SCAI: variants seen among roughly 807,000 people sequenced by gnomAD.
The protein encoded by SCAI is suppressor of cancer cell invasion, also known as protein SCAI.
Under a neutral mutation model 92.2 loss-of-function variants are expected in SCAI, and 24 were observed. The ratio of observed to expected loss-of-function variants is 0.26; its 90% CI spans 0.19 to 0.37. The LOEUF is 0.37. Ranked by LOEUF, SCAI falls within the 10% of genes least tolerant of loss-of-function variation. The pLI is 1.00. For synonymous variants in SCAI, 261 were observed against 258.6 expected, an observed-to-expected ratio of 1.01 and a Z score of -0.09; for missense variants, 450 against 736.2, an observed-to-expected ratio of 0.61 and a Z score of 4.50.
In SCAI at chr9:125,004,850, G is replaced by A. The variant is rs553962934; in HGVS notation, c.862-1280C>T. The stretch of plus-strand genomic sequence containing the variant: ...GTCACCCAGGCTGGAGTGCAATGGC[G>A]CGCTCTCGGCTCACTGCAACCTCCT... On this transcript the variant is annotated intron_variant, in intron 9 of 17. Coordinates refer to ENST00000336505, the MANE Select transcript of SCAI (RefSeq NM_001144877.3). Among the ~76,000 whole-genome samples, 65 of 124,854 alleles carry A rather than the reference G, an allele frequency of 5.2e-4. 1 individual carries two copies. The highest frequency in any genetic ancestry group is 1.8e-3 in the African/African-American group (58 of 32,886). The allele number at this position is 124,854 out of a possible 152,430, so 81.9% of individuals were successfully genotyped here. A position where few individuals can be genotyped will look rare whatever the true frequency, so the allele number is the denominator to read the frequency against.
chr9:125,140,978 A>G (rs1443750097), intron 2 of SCAI, among the ~76,000 whole-genome samples: 1 of 152,200 alleles, frequency 6.6e-6, no homozygotes, highest in East Asian at 1.9e-4. Context: ...GAAATCTAGC[A>G]TGTATTTTAT....
At chr9:125,016,982 GAGAC>G (rs1832772522) in intron 9 of SCAI, among the ~76,000 whole-genome samples, 1 of 152,152 alleles carries the variant, frequency 6.6e-6, no homozygotes, top group Non-Finnish European at 1.5e-5. Context: ...AGGAGAAAAA[GAGAC>G]AGAAGATATC....
At chr9:125,109,192 T>C (rs1477099196) in intron 2 of SCAI, among the ~76,000 whole-genome samples, 1 of 152,036 alleles carries the variant, frequency 6.6e-6, no homozygotes, top group African/African-American at 2.4e-5. Context: ...CACTCCCTAA[T>C]CTCAAGTACC....
At chr9:125,086,395 C>T (rs1232311239) in intron 2 of SCAI, among the ~76,000 whole-genome samples, 1 of 152,150 alleles carries the variant, frequency 6.6e-6, no homozygotes, top group African/African-American at 2.4e-5. Flanking sequence ...GGAAAAGTGA[C>T]TGAGGCAGGG....
At chr9:125,002,488 G>GTTT (rs58586769) in intron 11 of SCAI, among the ~76,000 whole-genome samples, 2 of 125,106 alleles carry the variant, frequency 1.6e-5, no homozygotes, top group Admixed American at 8.8e-5. Flanking sequence ...TTTTTAGTCT[G>GTTT]TTTTTTTTTT....
At chr9:125,105,207 C>T (rs779929243) in intron 2 of SCAI, among the ~76,000 whole-genome samples, 1 of 152,048 alleles carries the variant, frequency 6.6e-6, no homozygotes, top group East Asian at 1.9e-4. Context: ...TGGTGACATG[C>T]CCCTGTAGTC....
intron 2 of SCAI, among the ~76,000 whole-genome samples, chr9:125,133,556 A>G (rs1036319646): frequency 5.3e-5 from 8 of 152,222 alleles, no homozygotes; most frequent in Non-Finnish European, 1.0e-4. Flanking sequence ...GATACTCAAC[A>G]TTATCAGTCA....
At chr9:124,991,755 T>C (rs1486904488) in intron 14 of SCAI, among the ~76,000 whole-genome samples, 1 of 152,078 alleles carries the variant, frequency 6.6e-6, no homozygotes, top group African/African-American at 2.4e-5. Context: ...GAGAATCGCT[T>C]GAACCCAGGA....
intron 2 of SCAI, among the ~76,000 whole-genome samples, chr9:125,063,033 A>AT (rs1833802892): frequency 6.6e-6 from 1 of 151,518 alleles, no homozygotes; most frequent in South Asian, 2.1e-4. Context: ...AAAAAAAAAA[A>AT]AAAAATGTAA....
chr9:125,045,810 A>ACTAATGAC (rs149637489), intron 3 of SCAI, among the ~76,000 whole-genome samples: 33,900 of 151,878 alleles, frequency 0.22, 4,219 homozygotes, highest in African/African-American at 0.31. Context: ...AATAATAGAC[A>ACTAATGAC]CTAATGACAT....
chr9:125,121,486 T>A (rs1433880217), intron 2 of SCAI, among the ~76,000 whole-genome samples: 1 of 152,002 alleles, frequency 6.6e-6, no homozygotes, highest in African/African-American at 2.4e-5. Context: ...TGGAAATGGC[T>A]AGAACTGGCT....
intron 14 of SCAI, among the ~76,000 whole-genome samples, chr9:124,978,596 T>C (rs1390996749): frequency 6.6e-6 from 1 of 152,242 alleles, no homozygotes; most frequent in Admixed American, 6.5e-5. Flanking sequence ...CAGCATCTAT[T>C]ACACTCAAAT....
chr9:124,997,434 C>T lies in SCAI; in HGVS notation c.1245-2419G>A, dbSNP rs545408472. Among the ~76,000 whole-genome samples the T allele has an allele frequency of 2.0e-5, 3 of 152,310 alleles. No homozygotes were observed. The South Asian group carries it at 6.2e-4, about 32-fold the overall frequency. On this transcript the variant is annotated intron_variant, in intron 13 of 17. Transcript: ENST00000336505. ...AAAACCCGAAACACTTTTGGTCCCA[C>T]ATATTTCAGATAAGGGATATTCAAT...
intron 14 of SCAI, among the ~76,000 whole-genome samples, chr9:124,977,028 C>T (rs1193511965): frequency 6.6e-6 from 1 of 151,906 alleles, no homozygotes. Flanking sequence ...GCCACCACAC[C>T]TGGCTAATTT....
intron 9 of SCAI, among the ~76,000 whole-genome samples, chr9:125,012,616 TCAA>T (rs1238828103): frequency 2.6e-5 from 4 of 151,852 alleles, no homozygotes; most frequent in African/African-American, 7.2e-5. Flanking sequence ...ATTAGACAGA[TCAA>T]CGAGACAGAA....
At chr9:125,040,799 T>TC (rs1833305009) in intron 3 of SCAI, among the ~76,000 whole-genome samples, 1 of 151,876 alleles carries the variant, frequency 6.6e-6, no homozygotes, top group African/African-American at 2.4e-5. Flanking sequence ...TTAATTTTTT[T>TC]TTTTTTTGCA....
intron 13 of SCAI, among the ~76,000 whole-genome samples, chr9:124,998,493 G>A (rs1355863699): frequency 2.6e-5 from 4 of 152,074 alleles, no homozygotes; most frequent in Non-Finnish European, 5.9e-5. Flanking sequence ...GGGAAGGGTA[G>A]GGGAACGGGG....
chr9:125,024,199 A>G (rs543763181), intron 6 of SCAI, among the ~76,000 whole-genome samples: 4 of 152,154 alleles, frequency 2.6e-5, no homozygotes, highest in Non-Finnish European at 5.9e-5. Flanking sequence ...ACATGTTGTC[A>G]ACGTCAACAT....
intron 1 of SCAI, among the ~76,000 whole-genome samples, 156 bp downstream of exon 1, chr9:125,143,229 G>A (rs2131282531): frequency 1.3e-5 from 2 of 148,844 alleles, no homozygotes; most frequent in South Asian, 2.1e-4. Flanking sequence ...AGCCCGCGCC[G>A]CCGCCTGCAG....
Sources: allele counts gnomAD v4.1 joint callset (sites outside exome capture counted in the v4.1 genomes callset), GRCh38; gene constraint gnomAD v4.1.1; transcripts MANE v1.5; gene names NCBI Gene and HGNC (gene_info 2026-07-23, HGNC 2026-07-21).